Variants in TAFA5 observed in about 807,000 individuals in gnomAD.
TAFA5 encodes the protein TAFA chemokine like family member 5.
A neutral mutation model predicts 15.3 loss-of-function variants in TAFA5; 6 were observed. The observed-to-expected ratio is 0.39, with a 90% CI of 0.21 to 0.77. TAFA5 has a LOEUF of 0.77. Ranked by LOEUF, TAFA5 falls within the 30% of genes least tolerant of loss-of-function variation. TAFA5 has a pLI of 0.41. For synonymous variants in TAFA5, 103 were observed against 80.7 expected (o/e 1.28, Z -1.48); for missense variants, 161 against 193.1 (o/e 0.83, Z 0.98).
rs925456674 is a variant in TAFA5, at chr22:48,750,089, C to A, written c.*242C>A. On this transcript the variant is annotated 3_prime_UTR_variant, in exon 4 of 4. Transcript: ENST00000402357. Reference sequence around the variant, plus strand: ...GGGGCGGCACCTGGCATCAGCAATACGCAGTCTGTGGGAGCCCGGCCGCGC... The same window carrying A: ...GGGGCGGCACCTGGCATCAGCAATAAGCAGTCTGTGGGAGCCCGGCCGCGC... The A allele has an allele frequency of 1.2e-5, 7 of 575,296 alleles. No homozygotes were observed. Among genetic ancestry groups the A allele is most frequent in the Non-Finnish European group, 1.9e-5 (6 of 322,338 alleles). The allele number at this position is 575,296 out of a possible 1,614,324, so 35.6% of individuals were successfully genotyped here.
chr22:48,717,389 C>A (rs745417897), intron 3 of TAFA5, among the ~76,000 whole-genome samples: 3 of 152,156 alleles, frequency 2.0e-5, no homozygotes, highest in Non-Finnish European at 2.9e-5. Flanking sequence ...GAGCCCTGCA[C>A]GTACCTGTGC....
intron 3 of TAFA5, among the ~76,000 whole-genome samples, chr22:48,738,563 C>A (rs1420472641): frequency 6.6e-6 from 1 of 152,224 alleles, no homozygotes; most frequent in Non-Finnish European, 1.5e-5. Context: ...CCTCTACTCA[C>A]CCCAGTGAGG....
intron 2 of TAFA5, among the ~76,000 whole-genome samples, chr22:48,662,515 T>G (rs1248834981): frequency 6.6e-6 from 1 of 151,634 alleles, no homozygotes; most frequent in Non-Finnish European, 1.5e-5. Flanking sequence ...GCGGTGGGGC[T>G]CCAGTAGAGG....
intron 2 of TAFA5, among the ~76,000 whole-genome samples, chr22:48,675,565 G>A (rs192529818): frequency 1.2e-4 from 19 of 152,390 alleles, no homozygotes; most frequent in Middle Eastern, 3.4e-3. Context: ...CACCAGCTGG[G>A]CATCTCAGCA....
At chr22:48,527,527 C>T (rs919592344) in intron 1 of TAFA5, among the ~76,000 whole-genome samples, 4 of 152,188 alleles carry the variant, frequency 2.6e-5, no homozygotes, top group Admixed American at 6.5e-5. Context: ...CAGATGGGAA[C>T]GTTCAGGAAG....
chr22:48,605,267 AGG>A, intron 1 of TAFA5, among the ~76,000 whole-genome samples: 1 of 48,426 alleles, frequency 2.1e-5, no homozygotes, highest in Non-Finnish European at 4.3e-5. Context: ...GGTGATGGTG[AGG>A]ATGATGGTGA....
At chr22:48,732,457 C>T (rs1316768834) in intron 3 of TAFA5, among the ~76,000 whole-genome samples, 1 of 152,092 alleles carries the variant, frequency 6.6e-6, no homozygotes, top group African/African-American at 2.4e-5. Context: ...GGGGTTTCAC[C>T]GTGTTAGCCA....
chr22:48,711,355 G>A lies in TAFA5; in HGVS notation c.390+3511G>A, dbSNP rs544190994. Among the ~76,000 whole-genome samples, 627 of 151,926 alleles carry A rather than the reference G, an allele frequency of 4.1e-3. 9 individuals carry two copies. The highest frequency in any genetic ancestry group is 7.1e-3 in the Non-Finnish European group (479 of 67,938). ...GGGGCACCTTGTATACATGGGCCGCGGATGCCTGGGCCGGTAGATCTCGGT... is the reference window on the plus strand; with the variant it reads ...GGGGCACCTTGTATACATGGGCCGCAGATGCCTGGGCCGGTAGATCTCGGT... On this transcript the variant is annotated intron_variant, in intron 3 of 3. Transcript: ENST00000402357.
At chr22:48,687,237 A>G (rs1209438456) in intron 2 of TAFA5, among the ~76,000 whole-genome samples, 3 of 146,700 alleles carry the variant, frequency 2.0e-5, no homozygotes, top group Admixed American at 1.4e-4. Flanking sequence ...GAGTGGATAG[A>G]TAGATGGATA....
In TAFA5 at chr22:48,650,818, C is replaced by T. The variant is rs570709017; in HGVS notation, c.262+4072C>T. ...CCACCGAGCCTCCCCTCCCCCAGGGCTGCCCTCTGAGGCAGGCACCCAGGT... is the reference window on the plus strand; with the variant it reads ...CCACCGAGCCTCCCCTCCCCCAGGGTTGCCCTCTGAGGCAGGCACCCAGGT... On this transcript the variant is annotated intron_variant, in intron 2 of 3. Coordinates refer to ENST00000402357, the MANE Select transcript of TAFA5 (RefSeq NM_001082967.3). Among the ~76,000 whole-genome samples, 29 of 142,376 alleles carry T rather than the reference C, an allele frequency of 2.0e-4. No homozygotes were observed. The South Asian group carries it at 6.9e-3, about 34-fold the overall frequency. 93.4% of individuals were successfully genotyped at this position (142,376 alleles called of 152,430 possible). A position where few individuals can be genotyped will look rare whatever the true frequency, so the allele number is the denominator to read the frequency against.
chr22:48,676,970 C>A (rs1214801712), intron 2 of TAFA5, among the ~76,000 whole-genome samples: 1 of 152,222 alleles, frequency 6.6e-6, no homozygotes, highest in Non-Finnish European at 1.5e-5. Flanking sequence ...CTCCCAGGGG[C>A]AGCCCTGGGT....
intron 1 of TAFA5, chr22:48,576,635 G>T: frequency 7.7e-7 from 1 of 1,291,024 alleles, no homozygotes; most frequent in South Asian, 2.4e-5. Context: ...CGGCTCCGGC[G>T]CCCGACCCGG....
At chr22:48,539,346 A>T (rs1305370450) in intron 1 of TAFA5, 2 of 471,142 alleles carry the variant, frequency 4.2e-6, no homozygotes, top group South Asian at 3.1e-5. Flanking sequence ...CCCTAATAGG[A>T]CATGGGCTCC....
intron 1 of TAFA5, among the ~76,000 whole-genome samples, chr22:48,515,104 A>G (rs1419226445): frequency 1.3e-5 from 2 of 150,722 alleles, no homozygotes; most frequent in Non-Finnish European, 3.0e-5. Flanking sequence ...TCCTCTCAGC[A>G]GTGGGTGAAG....
intron 2 of TAFA5, among the ~76,000 whole-genome samples, chr22:48,658,886 TG>T (rs1387974868): frequency 6.6e-6 from 1 of 151,914 alleles, no homozygotes; most frequent in Non-Finnish European, 1.5e-5. Flanking sequence ...CTGAGGGGTG[TG>T]GAGGGAGCAG....
intron 1 of TAFA5, among the ~76,000 whole-genome samples, chr22:48,627,965 C>T (rs1279842671): frequency 6.6e-6 from 1 of 152,218 alleles, no homozygotes; most frequent in African/African-American, 2.4e-5. Flanking sequence ...CTTACTCCCA[C>T]CATCCAGGCG....
chr22:48,586,037 T>G (rs1924346529), intron 1 of TAFA5, among the ~76,000 whole-genome samples: 1 of 152,228 alleles, frequency 6.6e-6, no homozygotes, highest in Non-Finnish European at 1.5e-5. Context: ...AGCTTCGGCC[T>G]CTGCCCCTGC....
Position 48,707,698 on chromosome 22 carries a change from T to TC in TAFA5, c.263-18dup, listed in dbSNP as rs767784814. 5.6e-6 allele frequency: 9 copies of TC among 1,613,200 alleles called. No homozygotes were observed. Among genetic ancestry groups the TC allele is most frequent in the Non-Finnish European group, 5.9e-6 (7 of 1,179,482 alleles). ...CCATGAGAGTAGCACGCTGATTGCC[T>TC]CTCTCTTTTCTCCCACAGCAAGAAT... On this transcript the variant is annotated intron_variant, in intron 2 of 3. Transcript: ENST00000402357.
chr22:48,602,333 G>A (rs192809254), intron 1 of TAFA5, among the ~76,000 whole-genome samples: 117 of 152,322 alleles, frequency 7.7e-4, no homozygotes, highest in Middle Eastern at 3.4e-3. Flanking sequence ...CCTGGACATG[G>A]GGGCCTGGCC....
Sources: allele counts gnomAD v4.1 joint callset (sites outside exome capture counted in the v4.1 genomes callset), GRCh38; gene constraint gnomAD v4.1.1; transcripts MANE v1.5; gene names NCBI Gene and HGNC (gene_info 2026-07-23, HGNC 2026-07-21).